The following KIAA1671 variants were observed in gnomAD, a reference collection of about 807,000 sequenced individuals.
KIAA1671 encodes the protein uncharacterized protein KIAA1671.
KIAA1671 carries 52 observed loss-of-function variants against 131.2 expected under a neutral mutation model. The observed-to-expected ratio is 0.40, with a 90% confidence interval of 0.32 to 0.50. The LOEUF (loss-of-function observed/expected upper bound fraction) is 0.50. KIAA1671 is among the 20% of genes least tolerant of loss of function. The pLI, the probability that KIAA1671 is intolerant of heterozygous loss-of-function variation, is 0.73. For synonymous variants in KIAA1671, 1,003 were observed against 961.6 expected (o/e 1.04, Z -0.80); for missense variants, 2,360 against 2,364.2 (o/e 1.00, Z 0.04).
intron 6 of KIAA1671, among the ~76,000 whole-genome samples, chr22:25,104,537 C>G (rs1427471049): frequency 6.6e-6 from 1 of 152,148 alleles, no homozygotes; most frequent in Non-Finnish European, 1.5e-5. Flanking sequence ...ACGTGGTGTT[C>G]TCAATTTCAG....
At chr22:25,016,468 G>A (rs941032419) in intron 1 of KIAA1671, among the ~76,000 whole-genome samples, 2 of 152,208 alleles carry the variant, frequency 1.3e-5, no homozygotes, top group Non-Finnish European at 2.9e-5. Flanking sequence ...TCAGAATCAC[G>A]GAATCTTAAA....
intron 6 of KIAA1671, among the ~76,000 whole-genome samples, chr22:25,163,067 C>G (rs1933501741): frequency 6.6e-6 from 1 of 152,092 alleles, no homozygotes; most frequent in Non-Finnish European, 1.5e-5. Flanking sequence ...GTGGCTCAGG[C>G]CTATAATCCC....
rs1485237568 is a variant in KIAA1671, at chr22:25,056,256, C to G, written c.4530+6892C>G. ...CCATTCTGTGGGCTGTCTTTTCATT[C>G]TCTTGATAATGTTCTTTGATGCACA... On this transcript the variant is annotated intron_variant, in intron 6 of 12. Coordinates refer to ENST00000358431, the MANE Select transcript of KIAA1671 (RefSeq NM_001145206.2). The G allele has an allele frequency of 2.0e-5, 3 of 149,160 alleles. No homozygotes were observed. In the East Asian group the frequency reaches 5.9e-4, roughly 29 times the overall value. 9.2% of individuals were successfully genotyped at this position (149,160 alleles called of 1,614,324 possible).
Position 24,988,957 on chromosome 22 carries a change from A to G in KIAA1671, c.-208+36185A>G, listed in dbSNP as rs540839851. Among the ~76,000 whole-genome samples, 191 of 152,294 alleles carry G rather than the reference A, an allele frequency of 1.3e-3. 1 individual carries two copies. Among genetic ancestry groups the G allele is most frequent in the African/African-American group, 4.3e-3 (179 of 41,570 alleles). ...GCACTGACTTGTCCAAGGTCATGCA[A>G]CTAGTGATTATGGAGCTGGGATTGG... On this transcript the variant is annotated intron_variant, in intron 1 of 12. Coordinates refer to ENST00000358431, the MANE Select transcript of KIAA1671 (RefSeq NM_001145206.2).
At chr22:25,047,268 A>G (rs1927296194) in intron 5 of KIAA1671, among the ~76,000 whole-genome samples, 4 of 149,482 alleles carry the variant, frequency 2.7e-5, no homozygotes, top group Non-Finnish European at 4.4e-5. Flanking sequence ...CGCCTGCCTC[A>G]GCCTCCCGAG....
intron 6 of KIAA1671, among the ~76,000 whole-genome samples, chr22:25,091,256 C>G (rs1176829502): frequency 6.6e-6 from 1 of 152,170 alleles, no homozygotes; most frequent in African/African-American, 2.4e-5. Flanking sequence ...TGGGGTTTCA[C>G]CATGTTGGCC....
chr22:25,017,732 A>T (rs6004394), intron 1 of KIAA1671, among the ~76,000 whole-genome samples: 5 of 152,318 alleles, frequency 3.3e-5, no homozygotes, highest in African/African-American at 1.2e-4. Flanking sequence ...GGCTTATCCC[A>T]GGTAAACCAG....
chr22:25,130,807 A>G lies in KIAA1671; in HGVS notation c.4531-40013A>G, dbSNP rs57212835. Reference sequence around the variant, plus strand: ...AGCCTGTCCCTCCTGGGGAAATAGCACAGCTTAGAGGCTTAGAGTCCCATG... The same window carrying G: ...AGCCTGTCCCTCCTGGGGAAATAGCGCAGCTTAGAGGCTTAGAGTCCCATG... On this transcript the variant is annotated intron_variant, in intron 6 of 12. Transcript: ENST00000358431. 1.4e-3 allele frequency among the ~76,000 whole-genome samples: 213 copies of G among 152,248 alleles called. 1 individual carries two copies. Among genetic ancestry groups the G allele is most frequent in the African/African-American group, 4.6e-3 (193 of 41,546 alleles).
chr22:25,190,273 A>G (rs776866483), intron 11 of KIAA1671, among the ~76,000 whole-genome samples: 36 of 152,118 alleles, frequency 2.4e-4, no homozygotes, highest in Non-Finnish European at 5.1e-4. Context: ...GATCCCTTGC[A>G]TGCACAGTTC....
chr22:25,169,418 CAAAAAAAA>C (rs34299474), intron 6 of KIAA1671, among the ~76,000 whole-genome samples: 5 of 118,098 alleles, frequency 4.2e-5, no homozygotes, highest in Non-Finnish European at 5.1e-5. Context: ...GACCTTGTCT[CAAAAAAAA>C]AAAAAAAAAA....
At chr22:25,044,260 A>G (rs1927103914) in intron 5 of KIAA1671, among the ~76,000 whole-genome samples, 1 of 152,226 alleles carries the variant, frequency 6.6e-6, no homozygotes, top group South Asian at 2.1e-4. Flanking sequence ...CACTGTTATT[A>G]GACTGAATTG....
At chr22:25,171,960 A>G (rs1306257925) in intron 7 of KIAA1671, among the ~76,000 whole-genome samples, 2 of 152,176 alleles carry the variant, frequency 1.3e-5, no homozygotes, top group African/African-American at 4.8e-5. Context: ...AGTGATAAAA[A>G]TGATAAAGTC....
chr22:25,017,104 TG>T (rs2123884746), intron 1 of KIAA1671, among the ~76,000 whole-genome samples: 1 of 152,200 alleles, frequency 6.6e-6, no homozygotes, highest in East Asian at 1.9e-4. Context: ...TGGTAATGGC[TG>T]GGCGCGGTGG....
At chr22:25,179,732 C>G (rs1934199862) in intron 9 of KIAA1671, among the ~76,000 whole-genome samples, 1 of 152,198 alleles carries the variant, frequency 6.6e-6, no homozygotes, top group African/African-American at 2.4e-5. Context: ...AGAGACATAG[C>G]TTAATAAGGT....
intron 3 of KIAA1671, 37 bp from the exon 4 acceptor site, chr22:25,032,572 T>A: frequency 7.2e-7 from 1 of 1,386,998 alleles, no homozygotes; most frequent in Non-Finnish European, 1.0e-6. Context: ...AATAACAGCT[T>A]CCAGCTCCAT....
chr22:24,989,765 C>T (rs1923742104), intron 1 of KIAA1671, among the ~76,000 whole-genome samples: 2 of 152,122 alleles, frequency 1.3e-5, no homozygotes, highest in Non-Finnish European at 2.9e-5. Context: ...AAAACACGCA[C>T]TATTGTCTTA....
At chr22:25,015,734 G>A (rs934613223) in intron 1 of KIAA1671, among the ~76,000 whole-genome samples, 1 of 152,104 alleles carries the variant, frequency 6.6e-6, no homozygotes, top group African/African-American at 2.4e-5. Flanking sequence ...GTGGGTAATG[G>A]GTGTGTCCTA....
intron 6 of KIAA1671, among the ~76,000 whole-genome samples, chr22:25,121,354 C>T (rs7284685): frequency 0.063 from 9,538 of 151,280 alleles, 334 homozygotes; most frequent in East Asian, 0.12. Flanking sequence ...CCCAGCTGCT[C>T]GGGAGGCTGA....
intron 6 of KIAA1671, chr22:25,058,253 A>G (rs1927959682): frequency 6.6e-6 from 1 of 152,206 alleles, no homozygotes; most frequent in Non-Finnish European, 1.5e-5. Flanking sequence ...GAATGATGGT[A>G]CAGAGAGTCC....
Sources: allele counts gnomAD v4.1 joint callset (sites outside exome capture counted in the v4.1 genomes callset), GRCh38; gene constraint gnomAD v4.1.1; transcripts MANE v1.5; gene names NCBI Gene and HGNC (gene_info 2026-07-23, HGNC 2026-07-21).